The following UNC13B variants were observed in gnomAD, a reference collection of about 807,000 sequenced individuals.
UNC13B encodes the protein unc-13 homolog B.
A neutral mutation model predicts 211.0 loss-of-function variants in UNC13B; 144 were observed. The observed-to-expected ratio is 0.68, with a 90% CI of 0.60 to 0.78. The LOEUF is 0.78. Ranked by LOEUF, UNC13B falls within the 30% of genes least tolerant of loss-of-function variation. The pLI, the probability that UNC13B is intolerant of heterozygous loss-of-function variation, is 0.00. For missense variants in UNC13B, 1,777 were observed against 2,002.0 expected, an observed-to-expected ratio of 0.89 and a Z score of 2.14; for synonymous variants, 709 against 725.8, an observed-to-expected ratio of 0.98 and a Z score of 0.37.
At chr9:35,185,607 G>T (rs1376337494) in intron 1 of UNC13B, among the ~76,000 whole-genome samples, 5 of 152,092 alleles carry the variant, frequency 3.3e-5, no homozygotes, top group African/African-American at 1.2e-4. Context: ...GCTGTTAAAA[G>T]AACTCTCTAT....
chr9:35,362,055 G>A (rs896033704), intron 11 of UNC13B: 11 of 152,364 alleles, frequency 7.2e-5, no homozygotes, highest in African/African-American at 2.6e-4. Context: ...AAAAAAATGC[G>A]ATCAGAATTT....
chr9:35,194,539 G>T (rs994375266), intron 1 of UNC13B, among the ~76,000 whole-genome samples: 3 of 152,178 alleles, frequency 2.0e-5, no homozygotes, highest in African/African-American at 7.2e-5. Flanking sequence ...ATGGGTGCTG[G>T]GGGATTCTCC....
rs1829992038 is a variant in UNC13B at position 35,307,651 on chromosome 9, A to G, written c.8247A>G (p.Pro2749=). Residue 2749 remains proline, a synonymous_variant, in exon 9 of 40, where the codon CCA becomes CCG. Transcript: ENST00000635942. ...AGATAATTCATGCCCAGAAAGATCCACCTGTAGTACCCCAGGAAACAGAGC... is the reference window on the plus strand; with the variant it reads ...AGATAATTCATGCCCAGAAAGATCCGCCTGTAGTACCCCAGGAAACAGAGC... ...SCEIIHAQKD[P]PVVPQETEQS... The G allele has an allele frequency of 2.5e-6, 1 of 398,914 alleles. No individual in the cohort carries two copies. The highest frequency in any genetic ancestry group is 4.4e-6 in the Non-Finnish European group (1 of 226,120). The allele number at this position is 398,914 out of a possible 1,614,324, so 24.7% of individuals were successfully genotyped here. A position where few individuals can be genotyped will look rare whatever the true frequency, so the allele number is the denominator to read the frequency against.
At chr9:35,239,534 A>G (rs1048996419) in intron 5 of UNC13B, among the ~76,000 whole-genome samples, 2 of 152,188 alleles carry the variant, frequency 1.3e-5, no homozygotes, top group Non-Finnish European at 1.5e-5. Flanking sequence ...TCGGGCATGC[A>G]TTGTCATTGA....
Position 35,308,418 on chromosome 9 carries a change from T to C in UNC13B, c.9008+6T>C. ...GAGCCCATGACCAACAAAAGGCCTG[T>C]TCTTAACTCAAGCATCATAAATGGC... On this transcript the variant is annotated splice_donor_region_variant and intron_variant, in intron 9 of 39. Transcript: ENST00000635942. 2.5e-6 allele frequency: 1 copy of C among 398,936 alleles called. No homozygotes were observed. The highest frequency in any genetic ancestry group is 4.4e-6 in the Non-Finnish European group (1 of 226,032). 24.7% of individuals were successfully genotyped at this position (398,936 alleles called of 1,614,324 possible).
chr9:35,278,751 ATG>A (rs1203801098), intron 7 of UNC13B, among the ~76,000 whole-genome samples: 1 of 144,552 alleles, frequency 6.9e-6, no homozygotes, highest in African/African-American at 2.9e-5. Flanking sequence ...GAAAGGAAAC[ATG>A]TGCATAAGGT....
chr9:35,228,621 T>G (rs1193039090), intron 2 of UNC13B, among the ~76,000 whole-genome samples: 2 of 151,892 alleles, frequency 1.3e-5, no homozygotes, highest in Non-Finnish European at 2.9e-5. Context: ...TATATAAAAT[T>G]TCTTAAAATT....
In UNC13B at chr9:35,396,350, G is replaced by T. The variant is rs1482203699; in HGVS notation, c.11309-126G>T. 5 of 1,216,026 alleles carry T rather than the reference G, an allele frequency of 4.1e-6. No homozygotes were observed. The African/African-American group carries it at 6.0e-5, about 15-fold the overall frequency. 75.3% of individuals were successfully genotyped at this position (1,216,026 alleles called of 1,614,324 possible). On this transcript the variant is annotated intron_variant, in intron 26 of 39. Transcript: ENST00000635942. Reference sequence around the variant, plus strand: ...GGGGAGAGATGGCTGTGAGAAGGAGGTTGGGAGTCACCCTTGTCCTAAGAC... The same window carrying T: ...GGGGAGAGATGGCTGTGAGAAGGAGTTTGGGAGTCACCCTTGTCCTAAGAC...
At chr9:35,221,324 C>CCT (rs1220000449) in intron 1 of UNC13B, among the ~76,000 whole-genome samples, 2 of 152,160 alleles carry the variant, frequency 1.3e-5, no homozygotes. Flanking sequence ...CCTTCCTTGG[C>CCT]CTCTCATAGT....
At position 35,404,134 on chromosome 9, in the gene UNC13B, G is replaced by T; in HGVS notation, c.*101G>T. 6.9e-7 allele frequency: 1 copy of T among 1,441,554 alleles called. No homozygotes were observed. The highest frequency in any genetic ancestry group is 1.4e-5 in the South Asian group (1 of 72,270). The allele number at this position is 1,441,554 out of a possible 1,614,324, so 89.3% of individuals were successfully genotyped here. ...GGCTTAGGGTCTTTGCAGTCAAGAGGCTGACCCCTTCAGTTAAAGATATTT... is the reference window on the plus strand; with the variant it reads ...GGCTTAGGGTCTTTGCAGTCAAGAGTCTGACCCCTTCAGTTAAAGATATTT... On this transcript the variant is annotated 3_prime_UTR_variant, in exon 40 of 40. Coordinates refer to ENST00000635942, the MANE Select transcript of UNC13B (RefSeq NM_001371189.2).
intron 22 of UNC13B, 79 bp from the exon 23 acceptor site, chr9:35,385,644 GC>G (rs1244063039): frequency 2.0e-6 from 3 of 1,493,260 alleles, no homozygotes; most frequent in East Asian, 4.7e-5. Flanking sequence ...AATTAGGGAA[GC>G]TTTTGATATC....
At chr9:35,181,808 C>T (rs893337142) in intron 1 of UNC13B, among the ~76,000 whole-genome samples, 11 of 151,956 alleles carry the variant, frequency 7.2e-5, no homozygotes, top group Admixed American at 3.3e-4. Context: ...TGCACTTCAG[C>T]GTGGGTGACA....
At chr9:35,247,066 C>T (rs1041104442) in intron 6 of UNC13B, among the ~76,000 whole-genome samples, 1 of 152,150 alleles carries the variant, frequency 6.6e-6, no homozygotes, top group African/African-American at 2.4e-5. Context: ...AGAGGTCCTT[C>T]ACATCCCTTG....
chr9:35,249,994 A>G (rs981440791), intron 6 of UNC13B, among the ~76,000 whole-genome samples: 2 of 152,020 alleles, frequency 1.3e-5, no homozygotes, highest in South Asian at 4.1e-4. Context: ...CAGTTCACTC[A>G]TCTAAAGCTT....
chr9:35,243,087 T>C (rs1043006517), intron 5 of UNC13B, among the ~76,000 whole-genome samples: 2 of 152,134 alleles, frequency 1.3e-5, no homozygotes, highest in Non-Finnish European at 2.9e-5. Flanking sequence ...ATCTACAAAA[T>C]AACAATGGGA....
At chr9:35,389,122 T>TG (rs1835364299) in intron 24 of UNC13B, among the ~76,000 whole-genome samples, 1 of 152,202 alleles carries the variant, frequency 6.6e-6, no homozygotes, top group African/African-American at 2.4e-5. Flanking sequence ...TTTGACTTAG[T>TG]GGGAGATAAT....
intron 37 of UNC13B, among the ~76,000 whole-genome samples, chr9:35,402,708 A>T (rs2132395371): frequency 6.6e-6 from 1 of 152,214 alleles, no homozygotes; most frequent in South Asian, 2.1e-4. Context: ...GAAGTATTTC[A>T]GAGCACAGCA....
At chr9:35,353,375 G>A (rs1448977941) in intron 11 of UNC13B, 2 of 1,232,158 alleles carry the variant, frequency 1.6e-6, no homozygotes, top group African/African-American at 1.6e-5. Flanking sequence ...GGAAAGCAAT[G>A]AGAGTGGTTC....
chr9:35,382,967 G>A (rs979170098), intron 21 of UNC13B, among the ~76,000 whole-genome samples: 1 of 152,156 alleles, frequency 6.6e-6, no homozygotes, highest in Non-Finnish European at 1.5e-5. Flanking sequence ...TTCCTTATGG[G>A]TATGCGGACT....
Sources: gnomAD v4.1 joint callset for allele counts (sites outside exome capture counted in the v4.1 genomes callset) on GRCh38, gnomAD v4.1.1 for gene constraint, MANE v1.5 for transcripts, NCBI Gene and HGNC (gene_info 2026-07-23, HGNC 2026-07-21) for gene names.